Variants in ALMS1 observed in about 807,000 individuals in gnomAD.
The protein encoded by ALMS1 is ALMS1 centrosome and basal body associated protein, also known as centrosome-associated protein ALMS1.
Under a neutral mutation model 352.2 loss-of-function variants are expected in ALMS1, and 271 were observed. That is an observed-to-expected ratio of 0.77 (90% confidence interval 0.70 to 0.85). The LOEUF is 0.85. Ranked by LOEUF, ALMS1 falls within the 40% of genes least tolerant of loss-of-function variation. The probability of loss-of-function intolerance (pLI) is 0.00; values close to 1 mark genes in which losing one functional copy is unlikely to be tolerated. For synonymous variants in ALMS1, 1,865 were observed against 1,761.2 expected, an observed-to-expected ratio of 1.06 and a Z score of -1.48; for missense variants, 5,445 against 4,870.7, an observed-to-expected ratio of 1.12 and a Z score of -3.51.
At chr2:73,473,978 T>C (rs1223694700) in intron 9 of ALMS1, among the ~76,000 whole-genome samples, 1 of 151,966 alleles carries the variant, frequency 6.6e-6, no homozygotes, top group Non-Finnish European at 1.5e-5. Context: ...GAAGAAATAA[T>C]GGTTGAAAAC....
Position 73,608,475 on chromosome 2 carries a change from G to A in ALMS1, c.12363G>A (p.Arg4121=), listed in dbSNP as rs1675867742. 1 of 1,613,054 alleles carries A rather than the reference G, an allele frequency of 6.2e-7. No individual in the cohort carries two copies. Among genetic ancestry groups the A allele is most frequent in the South Asian group, 1.1e-5 (1 of 91,000 alleles). ...SKKEMIQRSK[R]IYEQLPEVQK... is the part of the protein sequence containing the mutation. ...TCCTTTCACTGGTGCCATTTCTAAG[G>A]ATTTATGAGCAGCTTCCAGAAGTAC... Residue 4121 remains arginine, a splice_region_variant and synonymous_variant, in exon 22 of 23, where the codon CGG becomes CGA. Transcript: ENST00000613296.
rs534163312 is a variant in ALMS1, at chr2:73,417,009, A to C, written c.451-2114A>C. Among the ~76,000 whole-genome samples the C allele has an allele frequency of 7.9e-5, 12 of 152,254 alleles. No homozygotes were observed. The South Asian group carries it at 2.5e-3, about 32-fold the overall frequency. The stretch of plus-strand genomic sequence containing the variant: ...TCAGGATACTGAGGATGACAGGATC[A>C]CTTGAGCCTGGAGGCAGAGGTTGCA... On this transcript the variant is annotated intron_variant, in intron 2 of 22. Transcript: ENST00000613296.
chr2:73,534,205 TA>T (rs1673980204), intron 11 of ALMS1, among the ~76,000 whole-genome samples: 1 of 152,186 alleles, frequency 6.6e-6, no homozygotes, highest in South Asian at 2.1e-4. Context: ...AGTTATACAT[TA>T]AAATGTTAAC....
chr2:73,448,362 C>A lies in ALMS1; in HGVS notation c.1835C>A (p.Thr612Asn). The A allele has an allele frequency of 6.2e-7, 1 of 1,614,032 alleles. No individual in the cohort carries two copies. The stretch of plus-strand genomic sequence containing the variant: ...GCTCCTGGACTAGCTGACCAGACAA[C>A]TGGCATGTCAACTCTAACCTCTACT... Reference protein sequence around the residue: ...SAAPGLADQTTGMSTLTSTSY... With the variant: ...SAAPGLADQTNGMSTLTSTSY... The change falls in exon 8 of 23, where the codon ACT (threonine) becomes AAT (asparagine). Residue 612 changes from threonine to asparagine, a missense_variant. Thr to Asn is a moderately conservative substitution (Grantham distance 65, BLOSUM62 0). Transcript: ENST00000613296.
intron 21 of ALMS1, among the ~76,000 whole-genome samples, chr2:73,604,816 G>A (rs577901819): frequency 7.5e-4 from 114 of 152,298 alleles, no homozygotes; most frequent in Middle Eastern, 6.8e-3. Flanking sequence ...CACTGATGAT[G>A]CAAGAGAAAT....
chr2:73,568,184 A>C (rs1305444161), intron 15 of ALMS1, among the ~76,000 whole-genome samples: 1 of 152,212 alleles, frequency 6.6e-6, no homozygotes, highest in Non-Finnish European at 1.5e-5. Flanking sequence ...AATAGCACAG[A>C]TGAAAAGATT....
At position 73,453,436 on chromosome 2, in the gene ALMS1, C is replaced by A. The variant is rs1229228880; in HGVS notation, c.6909C>A (p.Phe2303Leu). The change falls in exon 8 of 23, where the codon TTC (phenylalanine) becomes TTA (leucine). Residue 2303 changes from phenylalanine (F) to leucine (L), a missense_variant. Coordinates refer to ENST00000613296, the MANE Select transcript of ALMS1 (RefSeq NM_001378454.1). ...TACAATCTAAGAAGGTGGTTTGCTT[C>A]AAAGAACCCTCTTCCACGGGTGTAT... ...SFIQSKKVVC[F>L]KEPSSTGVSN... The A allele has an allele frequency of 6.2e-7, 1 of 1,613,176 alleles. No homozygotes were observed. The highest frequency in any genetic ancestry group is 1.1e-5 in the South Asian group (1 of 91,032).
In ALMS1 at chr2:73,602,351, G is replaced by A. The variant is rs773402521; in HGVS notation, c.12281G>A (p.Cys4094Tyr). 1.9e-6 allele frequency: 3 copies of A among 1,614,154 alleles called. No individual in the cohort carries two copies. The highest frequency in any genetic ancestry group is 3.3e-5 in the Admixed American group (2 of 60,032). Reference sequence around the variant, plus strand: ...CGGCAGGGCCACCAGAATCGCATGTGCCCGCTGCCCAAGAGAGGTACGCCC... The same window carrying A: ...CGGCAGGGCCACCAGAATCGCATGTACCCGCTGCCCAAGAGAGGTACGCCC... ...RERQGHQNRMCPLPKRVFLAI... is the reference protein window; with the variant it reads ...RERQGHQNRMYPLPKRVFLAI... Residue 4094 changes from cysteine (C) to tyrosine (Y), a missense_variant, in exon 20 of 23, where the codon TGC (cysteine) becomes TAC (tyrosine). Transcript: ENST00000613296.
chr2:73,550,130 G>C, intron 12 of ALMS1, 137 bp from the exon 13 acceptor site: 1 of 835,996 alleles, frequency 1.2e-6, no homozygotes, highest in South Asian at 1.7e-5. Flanking sequence ...AAAGTGCTGG[G>C]ATTACAGGCA....
chr2:73,466,436 A>G (rs1672346043), intron 9 of ALMS1, among the ~76,000 whole-genome samples: 2 of 142,934 alleles, frequency 1.4e-5, no homozygotes, highest in Admixed American at 1.4e-4. Flanking sequence ...TTGAACAATG[A>G]GAACACATGG....
intron 1 of ALMS1, among the ~76,000 whole-genome samples, chr2:73,394,040 C>T (rs1403625804): frequency 6.6e-6 from 1 of 151,776 alleles, no homozygotes; most frequent in Non-Finnish European, 1.5e-5. Flanking sequence ...AGGCTGGTCT[C>T]AAACTCTTGG....
In ALMS1 at chr2:73,490,145, C is replaced by A. The variant is rs771551574; in HGVS notation, c.8186C>A (p.Ser2729Tyr). ...CGACATTCTAAATGCATTTCCAATT[C>A]CTCTGTTGTTAAGGTTGGTGTTACT... is the stretch of plus-strand genomic sequence containing the variant. The part of the protein sequence containing the change: ...SHRHSKCISN[S>Y]SVVKVGVTEG... Residue 2729 changes from serine (S) to tyrosine (Y), a missense_variant, in exon 10 of 23, where the codon TCC (serine) becomes TAC (tyrosine). Physicochemically the swap from Ser to Tyr is moderately radical, Grantham distance 144 (BLOSUM62 -2). Coordinates refer to ENST00000613296, the MANE Select transcript of ALMS1 (RefSeq NM_001378454.1). The A allele has an allele frequency of 1.2e-6, 2 of 1,614,154 alleles. No individual in the cohort carries two copies. Among genetic ancestry groups the A allele is most frequent in the Non-Finnish European group, 1.7e-6 (2 of 1,180,020 alleles).
At chr2:73,531,619 A>C (rs926441985) in intron 11 of ALMS1, among the ~76,000 whole-genome samples, 3 of 152,214 alleles carry the variant, frequency 2.0e-5, no homozygotes, top group Non-Finnish European at 2.9e-5. Flanking sequence ...CCACATGTTC[A>C]GGTTATCTTT....
At chr2:73,542,127 C>A (rs1359343731) in intron 12 of ALMS1, among the ~76,000 whole-genome samples, 2 of 152,158 alleles carry the variant, frequency 1.3e-5, no homozygotes, top group African/African-American at 4.8e-5. Context: ...CAATAAAATA[C>A]TGGAAAACCG....
At chr2:73,461,165 C>T (rs554611228) in intron 9 of ALMS1, among the ~76,000 whole-genome samples, 2 of 152,354 alleles carry the variant, frequency 1.3e-5, no homozygotes, top group Non-Finnish European at 1.5e-5. Context: ...GACCCCCAAG[C>T]AGCCTAACTG....
chr2:73,583,985 A>G (rs915218251), intron 16 of ALMS1, among the ~76,000 whole-genome samples: 13 of 152,080 alleles, frequency 8.5e-5, no homozygotes, highest in Non-Finnish European at 7.4e-5. Flanking sequence ...ATTTTTAATG[A>G]TTTCTTGCTA....
At chr2:73,504,705 T>G (rs1673284936) in intron 10 of ALMS1, among the ~76,000 whole-genome samples, 1 of 152,172 alleles carries the variant, frequency 6.6e-6, no homozygotes. Context: ...CAATGCTTAT[T>G]ACTAATAAAG....
intron 9 of ALMS1, chr2:73,469,956 A>G (rs1361537714): frequency 1.3e-5 from 2 of 151,922 alleles, no homozygotes; most frequent in Non-Finnish European, 2.9e-5. Flanking sequence ...AACAGTTCCA[A>G]TACACTAACA....
chr2:73,461,813 A>G (rs1025347591), intron 9 of ALMS1, among the ~76,000 whole-genome samples: 29 of 152,336 alleles, frequency 1.9e-4, no homozygotes, highest in Non-Finnish European at 1.8e-4. Context: ...AGAATGCAGA[A>G]GCCTCAGGAG....
Sources: allele counts gnomAD v4.1 joint callset (sites outside exome capture counted in the v4.1 genomes callset), GRCh38; gene constraint gnomAD v4.1.1; transcripts MANE v1.5; gene names NCBI Gene and HGNC (gene_info 2026-07-23, HGNC 2026-07-21).